Variants in PCDHGA7 observed in about 807,000 individuals in gnomAD.
The protein encoded by PCDHGA7 is protocadherin gamma-A7.
Under a neutral mutation model 58.3 loss-of-function variants are expected in PCDHGA7, and 44 were observed. That is an observed-to-expected ratio of 0.75 (90% CI 0.59 to 0.97). The LOEUF (loss-of-function observed/expected upper bound fraction) is 0.97. PCDHGA7 is among the 50% of genes least tolerant of loss of function. The pLI, the probability that PCDHGA7 is intolerant of heterozygous loss-of-function variation, is 0.00. For missense variants in PCDHGA7, 1,266 were observed against 1,188.7 expected (o/e 1.06, Z -0.96); for synonymous variants, 516 against 504.2 (o/e 1.02, Z -0.31).
At chr5:141,499,686 T>C (rs1400567357) in intron 2 of PCDHGA7, among the ~76,000 whole-genome samples, 2 of 149,346 alleles carry the variant, frequency 1.3e-5, no homozygotes, top group East Asian at 2.0e-4. Context: ...CTTTAACAGA[T>C]GACTTTTTTT....
chr5:141,406,253 C>CA (rs2094783585), intron 1 of PCDHGA7, among the ~76,000 whole-genome samples: 1 of 151,976 alleles, frequency 6.6e-6, no homozygotes, highest in Admixed American at 6.6e-5. Flanking sequence ...AGACTGGTCT[C>CA]AAACGATCTT....
At chr5:141,506,955 C>G (rs1387377785) in intron 3 of PCDHGA7, 1 of 152,244 alleles carries the variant, frequency 6.6e-6, no homozygotes, top group Non-Finnish European at 1.5e-5. Context: ...AATGAATCCT[C>G]TCAATAGCTC....
At chr5:141,428,142 C>T in intron 1 of PCDHGA7, 1 of 1,594,260 alleles carries the variant, frequency 6.3e-7, no homozygotes, top group Non-Finnish European at 8.6e-7. Flanking sequence ...CCTGGGGCTG[C>T]ACACGGGAAC....
intron 1 of PCDHGA7, chr5:141,403,954 C>A: frequency 6.2e-7 from 1 of 1,613,800 alleles, no homozygotes; most frequent in Non-Finnish European, 8.5e-7. Flanking sequence ...CAAAAGTGCT[C>A]ATTTCGGTGG....
At chr5:141,409,571 T>A in intron 1 of PCDHGA7, 2 of 1,613,932 alleles carry the variant, frequency 1.2e-6, no homozygotes, top group Non-Finnish European at 1.7e-6. Context: ...CCAGACGTCC[T>A]ACGTGGTCCA....
chr5:141,393,727 A>C, intron 1 of PCDHGA7: 1 of 1,613,852 alleles, frequency 6.2e-7, no homozygotes, highest in Non-Finnish European at 8.5e-7. Flanking sequence ...TCAATAGCAA[A>C]AAGTCTAGAT....
intron 1 of PCDHGA7, chr5:141,418,303 G>T: frequency 6.2e-7 from 1 of 1,614,032 alleles, no homozygotes; most frequent in Middle Eastern, 1.6e-4. Flanking sequence ...CCGTCAGCCT[G>T]GGGATGGGAA....
In PCDHGA7 at chr5:141,489,844, C is replaced by A; in HGVS notation, c.2425-4963C>A. 2 of 1,614,148 alleles carry A rather than the reference C, an allele frequency of 1.2e-6. No individual in the cohort carries two copies. Among genetic ancestry groups the A allele is most frequent in the Non-Finnish European group, 1.7e-6 (2 of 1,179,982 alleles). On this transcript the variant is annotated intron_variant, in intron 1 of 3. Coordinates refer to ENST00000518325, the MANE Select transcript of PCDHGA7 (RefSeq NM_018920.4). The surrounding 1 kb of genome is among the most constrained non-coding windows in gnomAD (Gnocchi z 4.5). Reference sequence around the variant, plus strand: ...GCTGGTGCTAGAGCAGCAGCTGGATCGTGAAGCCCAGGCAAGACATCAGCT... The same window carrying A: ...GCTGGTGCTAGAGCAGCAGCTGGATAGTGAAGCCCAGGCAAGACATCAGCT...
At chr5:141,437,652 A>T (rs899628392) in intron 1 of PCDHGA7, among the ~76,000 whole-genome samples, 1 of 152,196 alleles carries the variant, frequency 6.6e-6, no homozygotes, top group African/African-American at 2.4e-5. Context: ...AAGCAAACAC[A>T]TAGTTTCGAA....
chr5:141,407,808 C>A (rs1182707356), intron 1 of PCDHGA7, among the ~76,000 whole-genome samples: 1 of 152,136 alleles, frequency 6.6e-6, no homozygotes, highest in Non-Finnish European at 1.5e-5. Flanking sequence ...ATAGAAATAT[C>A]TACTATAATA....
intron 1 of PCDHGA7, among the ~76,000 whole-genome samples, chr5:141,455,732 A>G (rs1056074268): frequency 6.6e-6 from 1 of 152,190 alleles, no homozygotes; most frequent in Non-Finnish European, 1.5e-5. Context: ...CTGCATTTGC[A>G]TATCAAAGGT....
intron 1 of PCDHGA7, chr5:141,391,235 G>A (rs939140536): frequency 6.6e-6 from 1 of 151,890 alleles, no homozygotes; most frequent in Admixed American, 6.6e-5. Flanking sequence ...CTTTTGCTAG[G>A]TATATCTAAG....
intron 1 of PCDHGA7, chr5:141,394,389 C>T (rs750588570): frequency 2.6e-5 from 42 of 1,614,118 alleles, no homozygotes; most frequent in Non-Finnish European, 3.5e-5. Flanking sequence ...TGAGCAGATC[C>T]GAGACCTGCA....
rs112808093 is a variant in PCDHGA7, at chr5:141,489,579, C to A, written c.2425-5228C>A. ...CAGTGCAGGTGGTGACTGAACACCC[C>A]CTGGAGCTAATCCGTGTAGAGGTAG... On this transcript the variant is annotated intron_variant, in intron 1 of 3. Coordinates refer to ENST00000518325, the MANE Select transcript of PCDHGA7 (RefSeq NM_018920.4). This position sits in a 1 kb window ranked among gnomAD's most constrained non-coding sequence, Gnocchi z 4.5. 1.2e-6 allele frequency: 2 copies of A among 1,613,922 alleles called. No individual in the cohort carries two copies. Among genetic ancestry groups the A allele is most frequent in the African/African-American group, 2.7e-5 (2 of 74,916 alleles).
chr5:141,395,115 C>T (rs1380601635), intron 1 of PCDHGA7: 1 of 1,614,192 alleles, frequency 6.2e-7, no homozygotes. Context: ...GAAGAGTCAC[C>T]TGATCTTTCC....
rs751427123 is a variant in PCDHGA7, at chr5:141,384,444, C to G, written c.1545C>G (p.Tyr515Ter). 1.9e-6 allele frequency: 3 copies of G among 1,613,906 alleles called. No individual in the cohort carries two copies. Among genetic ancestry groups the G allele is most frequent in the Non-Finnish European group, 2.5e-6 (3 of 1,179,908 alleles). ...VSINSDTGVL[Y>*]ALQSFDYEQL... The stretch of plus-strand genomic sequence containing the variant: ...TAAACTCTGACACTGGAGTCCTGTA[C>G]GCGCTGCAATCCTTTGATTATGAGC... Residue 515 changes from tyrosine (Y) to a stop codon, truncating the protein, a stop_gained, in exon 1 of 4, where the codon TAC becomes TAG. Transcript: ENST00000518325. LOFTEE classifies it high-confidence loss of function.
chr5:141,466,037 G>T (rs1204301031), intron 1 of PCDHGA7, among the ~76,000 whole-genome samples: 1 of 152,056 alleles, frequency 6.6e-6, no homozygotes, highest in African/African-American at 2.4e-5. Flanking sequence ...CAGGAGAACG[G>T]CATGAACCCA....
In PCDHGA7 at chr5:141,493,550, T is replaced by C. The variant is rs978188511; in HGVS notation, c.2425-1257T>C. On this transcript the variant is annotated intron_variant, in intron 1 of 3. Coordinates refer to ENST00000518325, the MANE Select transcript of PCDHGA7 (RefSeq NM_018920.4). This position sits in a 1 kb window ranked among gnomAD's most constrained non-coding sequence, Gnocchi z 4.3. Reference sequence around the variant, plus strand: ...ACTTGGCCAGTTATCCTTTTGGAGATTGAGTTCCCCCAGCTCCGTTTCCTC... The same window carrying C: ...ACTTGGCCAGTTATCCTTTTGGAGACTGAGTTCCCCCAGCTCCGTTTCCTC... Among the ~76,000 whole-genome samples the C allele has an allele frequency of 1.3e-5, 2 of 152,172 alleles. No homozygotes were observed. The highest frequency in any genetic ancestry group is 2.4e-5 in the African/African-American group (1 of 41,430).
chr5:141,491,602 A>T lies in PCDHGA7; in HGVS notation c.2425-3205A>T. On this transcript the variant is annotated intron_variant, in intron 1 of 3. Transcript: ENST00000518325. The surrounding 1 kb of genome is among the most constrained non-coding windows in gnomAD (Gnocchi z 6.9). ...ACCGGCCTCGGACGGCAGTGACTTC[A>T]CTTTTCTAAGACCCCTCAGCGTTCA... is the stretch of plus-strand genomic sequence containing the variant. The T allele has an allele frequency of 6.2e-7, 1 of 1,613,838 alleles. No individual in the cohort carries two copies. Among genetic ancestry groups the T allele is most frequent in the Non-Finnish European group, 8.5e-7 (1 of 1,180,016 alleles).
Sources: allele counts gnomAD v4.1 joint callset (sites outside exome capture counted in the v4.1 genomes callset), GRCh38; gene constraint gnomAD v4.1.1; non-coding constraint Gnocchi (gnomAD v3.1); transcripts MANE v1.5; gene names NCBI Gene and HGNC (gene_info 2026-07-23, HGNC 2026-07-21).